Variants in MTHFSD observed in about 807,000 individuals in gnomAD.
The protein encoded by MTHFSD is methenyltetrahydrofolate synthetase domain containing.
Under a neutral mutation model 31.1 loss-of-function variants are expected in MTHFSD, and 37 were observed. The ratio of observed to expected loss-of-function variants is 1.19; its 90% CI spans 0.91 to 1.56. MTHFSD has a LOEUF of 1.56. Ranked by LOEUF, MTHFSD falls within the 40% of genes most tolerant of loss-of-function variation. The pLI is 0.00. For synonymous variants in MTHFSD, 221 were observed against 206.9 expected (o/e 1.07, Z -0.59); for missense variants, 664 against 510.1 (o/e 1.30, Z -2.91).
In MTHFSD at chr16:86,554,680, G is replaced by C. The variant is rs763295381; in HGVS notation, c.88C>G (p.Pro30Ala). 2.5e-6 allele frequency: 4 copies of C among 1,614,176 alleles called. No individual in the cohort carries two copies. The Admixed American group carries it at 6.7e-5, about 27-fold the overall frequency. ...GGTATCCTGTGATGAACAGGTCGGG[G>C]AAAGTCAGCTAAATTTTGTGATTCC... ...YMESQNLADF[P>A]RPVHHRIPNF... The change falls in exon 2 of 8, where the codon CCC becomes GCC. Residue 30 changes from proline to alanine, a missense_variant. Pro to Ala is a conservative substitution (Grantham distance 27). Coordinates refer to ENST00000360900, the MANE Select transcript of MTHFSD (RefSeq NM_001159377.2).
At chr16:86,536,484 T>C (rs372142858) in intron 7 of MTHFSD, among the ~76,000 whole-genome samples, 5 of 152,158 alleles carry the variant, frequency 3.3e-5, no homozygotes, top group African/African-American at 9.7e-5. Flanking sequence ...AAAGGCTCAA[T>C]AGGGCCACCC....
At chr16:86,552,410 C>T in intron 2 of MTHFSD, 2 of 816,794 alleles carry the variant, frequency 2.4e-6, no homozygotes, top group Non-Finnish European at 3.7e-6. Flanking sequence ...CCCAAAGAAA[C>T]ATCTAAGGAA....
rs774398064 is a variant in MTHFSD, at chr16:86,546,605, G to T, written c.396C>A (p.Val132=). The change falls in exon 5 of 8, where the codon GTC becomes GTA. Residue 132 remains valine (V), a synonymous_variant. Coordinates refer to ENST00000360900, the MANE Select transcript of MTHFSD (RefSeq NM_001159377.2). ...YSVPIGLDSR[V]LVDLVVVGSV... is the part of the protein sequence containing the mutation. The stretch of plus-strand genomic sequence containing the variant: ...ATCCCACCACAACTAAATCCACGAG[G>T]ACTCTGGAGTCCAAGCCTATGGGGA... The T allele has an allele frequency of 3.7e-6, 6 of 1,613,956 alleles. No individual in the cohort carries two copies. The highest frequency in any genetic ancestry group is 1.1e-5 in the South Asian group (1 of 91,076).
Position 86,548,487 on chromosome 16 carries a change from A to G in MTHFSD, c.328T>C (p.Leu110=), listed in dbSNP as rs765158929. The G allele has an allele frequency of 1.9e-6, 3 of 1,613,890 alleles. No individual in the cohort carries two copies. The highest frequency in any genetic ancestry group is 1.7e-6 in the Non-Finnish European group (2 of 1,179,942). Residue 110 remains leucine (L), a synonymous_variant, in exon 4 of 8, where the codon TTG becomes CTG. Coordinates refer to ENST00000360900, the MANE Select transcript of MTHFSD (RefSeq NM_001159377.2). ...ACCTGAGAGGTGGCACATTTTCTCA[A>G]GATGTCTTTAGTTGCCCCAGGGGGT... ...TPPPGATKDI[L]RKCATSQGVR... is the part of the protein sequence containing the mutation.
At chr16:86,554,095 G>A (rs1973650253) in intron 2 of MTHFSD, among the ~76,000 whole-genome samples, 1 of 152,152 alleles carries the variant, frequency 6.6e-6, no homozygotes, top group Non-Finnish European at 1.5e-5. Flanking sequence ...CAGGCTGCCT[G>A]AACCAGCAGC....
intron 4 of MTHFSD, chr16:86,547,227 C>G: frequency 2.0e-6 from 2 of 986,076 alleles, no homozygotes; most frequent in South Asian, 4.7e-5. Flanking sequence ...AAAAAATTAT[C>G]CCTTCAACCA....
chr16:86,551,998 C>T (rs749437993), intron 3 of MTHFSD, 35 bp downstream of exon 3: 1 of 1,612,846 alleles, frequency 6.2e-7, no homozygotes, highest in Non-Finnish European at 8.5e-7. Flanking sequence ...CCCTTGGCGG[C>T]CAGGTCTCGG....
In MTHFSD at chr16:86,531,880, T is replaced by A; in HGVS notation, c.*131A>T. 1.8e-6 allele frequency: 1 copy of A among 557,534 alleles called. No homozygotes were observed. Among genetic ancestry groups the A allele is most frequent in the Non-Finnish European group, 2.9e-6 (1 of 346,618 alleles). The allele number at this position is 557,534 out of a possible 1,614,324, so 34.5% of individuals were successfully genotyped here. On this transcript the variant is annotated 3_prime_UTR_variant, in exon 8 of 8. Coordinates refer to ENST00000360900, the MANE Select transcript of MTHFSD (RefSeq NM_001159377.2). This position sits in a 1 kb window ranked among gnomAD's most constrained non-coding sequence, Gnocchi z 5.5. ...ACTGAGCGGTGACTTCTGAGAAGAA[T>A]TGAGACCCGAGCAGCTCAGGCGGTG...
chr16:86,541,637 C>T, intron 7 of MTHFSD, 60 bp downstream of exon 7: 1 of 1,574,134 alleles, frequency 6.4e-7, no homozygotes, highest in Non-Finnish European at 8.6e-7. Flanking sequence ...AGACAGAAAA[C>T]ACTTAAAAGA....
chr16:86,554,582 C>A, intron 2 of MTHFSD, 63 bp downstream of exon 2: 1 of 1,199,148 alleles, frequency 8.3e-7, no homozygotes, highest in East Asian at 2.3e-5. Context: ...AATTTTATTA[C>A]TAGTGTTATT....
At chr16:86,555,026 A>C (rs2143977476) in intron 1 of MTHFSD, 143 bp downstream of exon 1, 3 of 1,440,646 alleles carry the variant, frequency 2.1e-6, no homozygotes, top group East Asian at 5.0e-5. Flanking sequence ...CGAACCCAGC[A>C]CAGACCCCCT....
At position 86,546,632 on chromosome 16, in the gene MTHFSD, A is replaced by T. The variant is rs754685781; in HGVS notation, c.369T>A (p.Ser123Arg). ...CTCTGGAGTCCAAGCCTATGGGGAC[A>T]CTGTAGTTCCTCACACCCTGCACAC... is the stretch of plus-strand genomic sequence containing the variant. ...CATSQGVRNY[S>R]VPIGLDSRVL... The change falls in exon 5 of 8, where the codon AGT becomes AGA. Residue 123 changes from serine (S) to arginine (R), a missense_variant. Coordinates refer to ENST00000360900, the MANE Select transcript of MTHFSD (RefSeq NM_001159377.2). 6.2e-7 allele frequency: 1 copy of T among 1,613,874 alleles called. No homozygotes were observed. Among genetic ancestry groups the T allele is most frequent in the South Asian group, 1.1e-5 (1 of 91,086 alleles).
chr16:86,541,910 G>A (rs1168410013), intron 6 of MTHFSD, 88 bp from the exon 7 acceptor site: 11 of 1,551,904 alleles, frequency 7.1e-6, no homozygotes, highest in African/African-American at 1.4e-5. Context: ...CGTGAGGCTG[G>A]CTAGAGAAGC....
chr16:86,552,474 T>G (rs1287383386), intron 2 of MTHFSD, among the ~76,000 whole-genome samples: 1 of 152,168 alleles, frequency 6.6e-6, no homozygotes, highest in African/African-American at 2.4e-5. Flanking sequence ...CCACTTGAGC[T>G]TTAACTGAAA....
chr16:86,550,872 C>A (rs1319050696), intron 3 of MTHFSD, among the ~76,000 whole-genome samples: 1 of 152,230 alleles, frequency 6.6e-6, no homozygotes, highest in Non-Finnish European at 1.5e-5. Context: ...TGGACCCCTC[C>A]TCTCAGCTCC....
chr16:86,542,708 T>C lies in MTHFSD; in HGVS notation c.443-495A>G, dbSNP rs927100089. 3.3e-5 allele frequency among the ~76,000 whole-genome samples: 5 copies of C among 152,216 alleles called. No individual in the cohort carries two copies. The highest frequency in any genetic ancestry group is 1.9e-4 in the East Asian group (1 of 5,200). The stretch of plus-strand genomic sequence containing the variant: ...ATACTCACCACTAGATACCAGGTCC[T>C]GAGGGACGGTTTAAGCAGTACTAAA... On this transcript the variant is annotated intron_variant, in intron 5 of 7. Coordinates refer to ENST00000360900, the MANE Select transcript of MTHFSD (RefSeq NM_001159377.2). The surrounding 1 kb of genome is among the most constrained non-coding windows in gnomAD (Gnocchi z 4.6).
At position 86,542,282 on chromosome 16, in the gene MTHFSD, A is replaced by T. The variant is rs762862760; in HGVS notation, c.443-69T>A. ...ATCGCTGAGAAGTGGATTTTCCATC[A>T]GGTCCAGTGGAAGAAGAAACTTGAA... On this transcript the variant is annotated intron_variant, in intron 5 of 7. Transcript: ENST00000360900. This position sits in a 1 kb window ranked among gnomAD's most constrained non-coding sequence, Gnocchi z 4.6. 7.5e-7 allele frequency: 1 copy of T among 1,328,430 alleles called. No individual in the cohort carries two copies. The highest frequency in any genetic ancestry group is 1.1e-6 in the Non-Finnish European group (1 of 946,654). 82.3% of individuals were successfully genotyped at this position (1,328,430 alleles called of 1,614,324 possible).
At chr16:86,554,905 C>T in intron 1 of MTHFSD, 154 bp from the exon 2 acceptor site, 2 of 1,070,254 alleles carry the variant, frequency 1.9e-6, no homozygotes, top group East Asian at 2.6e-5. Flanking sequence ...AAGGGGCCCA[C>T]GGGCTCCCCC....
At chr16:86,548,140 G>C (rs1425072812) in intron 4 of MTHFSD, 1 of 1,302,048 alleles carries the variant, frequency 7.7e-7, no homozygotes, top group Non-Finnish European at 1.0e-6. Flanking sequence ...ATAAGAAAAA[G>C]CTCCACAATA....
Sources: allele counts gnomAD v4.1 joint callset (sites outside exome capture counted in the v4.1 genomes callset), GRCh38; gene constraint gnomAD v4.1.1; non-coding constraint Gnocchi (gnomAD v3.1); transcripts MANE v1.5; gene names NCBI Gene and HGNC (gene_info 2026-07-23, HGNC 2026-07-21).